CREB3: variants seen among roughly 807,000 people sequenced by gnomAD.
CREB3 encodes cAMP responsive element binding protein 3.
Under a neutral mutation model 34.5 loss-of-function variants are expected in CREB3, and 29 were observed. The observed-to-expected ratio is 0.84, with a 90% CI of 0.63 to 1.15. The LOEUF is 1.15. Among genes scored for constraint, CREB3 ranks in the 50% most tolerant of loss-of-function variants. CREB3 has a pLI of 0.00. For missense variants in CREB3, 447 were observed against 443.4 expected (o/e 1.01, Z -0.07); for synonymous variants, 187 against 173.9 (o/e 1.08, Z -0.59).
Position 35,736,553 on chromosome 9 carries a change from A to G in CREB3, c.943A>G (p.Met315Val), listed in dbSNP as rs1169561679. The change falls in exon 9 of 9, where the codon ATG becomes GTG. Residue 315 changes from methionine to valine, a missense_variant. Physicochemically the swap from Met to Val is conservative, Grantham distance 21 (BLOSUM62 1). Transcript: ENST00000353704. Reference sequence around the variant, plus strand: ...CAACACTTCCTGCCTGCTGCATTACATGCCTCAGGCTCCCAGTGCAGAGCC... The same window carrying G: ...CAACACTTCCTGCCTGCTGCATTACGTGCCTCAGGCTCCCAGTGCAGAGCC... Reference protein sequence around the residue: ...PGNTSCLLHYMPQAPSAEPPL... With the variant: ...PGNTSCLLHYVPQAPSAEPPL... The G allele has an allele frequency of 6.2e-7, 1 of 1,614,080 alleles. No homozygotes were observed. The highest frequency in any genetic ancestry group is 8.5e-7 in the Non-Finnish European group (1 of 1,179,992).
rs376045014 is a variant in CREB3 at position 35,733,000 on chromosome 9, C to T, written c.134C>T (p.Pro45Leu). 5.8e-5 allele frequency: 94 copies of T among 1,614,030 alleles called. 1 individual carries two copies. Among genetic ancestry groups the T allele is most frequent in the East Asian group, 3.8e-4 (17 of 44,900 alleles). The part of the protein sequence containing the change: ...LDWALPLSEV[P>L]SDWEVDDLLC... ...GTTCATTGGAACCCTGCGCAGGTAC[C>T]GAGCGACTGGGAAGTAGATGATTTG... The change falls in exon 2 of 9, where the codon CCG (proline) becomes CTG (leucine). Residue 45 changes from proline to leucine, a missense_variant. Coordinates refer to ENST00000353704, the MANE Select transcript of CREB3 (RefSeq NM_006368.5). The surrounding 1 kb of genome is among the most constrained non-coding windows in gnomAD (Gnocchi z 5.1).
rs142405303 is a variant in CREB3, at chr9:35,733,596, TTAG to T, written c.435+115_435+117del. ...TTAAAAAAGGATTGAGGTGAGAAAC[TTAG>T]TAGATTTATTGCTAATAGGAAGTTG... On this transcript the variant is annotated intron_variant, in intron 4 of 8. Coordinates refer to ENST00000353704, the MANE Select transcript of CREB3 (RefSeq NM_006368.5). The T allele has an allele frequency of 2.4e-3, 1,755 of 731,846 alleles. 24 individuals carry two copies. The African/African-American group carries it at 0.026, about 11-fold the overall frequency. The allele number at this position is 731,846 out of a possible 1,614,324, so 45.3% of individuals were successfully genotyped here.
rs767815050 is a variant in CREB3, at chr9:35,736,681, T to A, written c.1071T>A (p.Pro357=). The A allele has an allele frequency of 1.9e-6, 3 of 1,612,234 alleles. No individual in the cohort carries two copies. Among genetic ancestry groups the A allele is most frequent in the Non-Finnish European group, 2.5e-6 (3 of 1,179,962 alleles). The stretch of plus-strand genomic sequence containing the variant: ...TCACAAGGAAGGGAGGATGGCTTCC[T>A]ACTGGTAGCCCCTCTGTCATTTTGC... The part of the protein sequence containing the change: ...ANLTRKGGWL[P]TGSPSVILQD... The change falls in exon 9 of 9, where the codon CCT becomes CCA. Residue 357 remains proline, a synonymous_variant. Transcript: ENST00000353704.
intron 4 of CREB3, among the ~76,000 whole-genome samples, chr9:35,734,449 C>CT (rs113624223): frequency 4.7e-4 from 69 of 146,476 alleles, no homozygotes; most frequent in Middle Eastern, 3.5e-3. Context: ...AAAATTTTGT[C>CT]TTTTTTTTTT....
rs770554790 is a variant in CREB3, at chr9:35,736,379, T to C, written c.782-13T>C. 4.3e-6 allele frequency: 7 copies of C among 1,613,150 alleles called. No individual in the cohort carries two copies. The highest frequency in any genetic ancestry group is 5.9e-6 in the Non-Finnish European group (7 of 1,179,404). On this transcript the variant is annotated splice_polypyrimidine_tract_variant and intron_variant, in intron 8 of 8. Transcript: ENST00000353704. ...GGTCTGGGTTGGCCTCTGAAGATTC[T>C]TTGTCTCCTCAGTGTTGTCCCGCCA...
chr9:35,733,683 C>T (rs550804843), intron 4 of CREB3, among the ~76,000 whole-genome samples, 198 bp downstream of exon 4: 17 of 151,320 alleles, frequency 1.1e-4, no homozygotes, highest in South Asian at 2.1e-4. Flanking sequence ...TGGGCTTATA[C>T]AAATTTTGGT....
chr9:35,735,140 G>A lies in CREB3; in HGVS notation c.467G>A (p.Arg156Lys). The A allele has an allele frequency of 6.2e-7, 1 of 1,603,590 alleles. No individual in the cohort carries two copies. ...GAACAAATTCTGAAACGTGTGCGGA[G>A]GAAGATTCGAAATAAAAGATCTGCT... The part of the protein sequence containing the change: ...TEEQILKRVR[R>K]KIRNKRSAQE... The change falls in exon 5 of 9, where the codon AGG (arginine) becomes AAG (lysine). Residue 156 changes from arginine to lysine, a missense_variant. Physicochemically the swap from Arg to Lys is conservative, Grantham distance 26. Transcript: ENST00000353704.
In CREB3 at chr9:35,736,729, A is replaced by G. The variant is rs768474991; in HGVS notation, c.*3A>G. 1.3e-6 allele frequency: 2 copies of G among 1,598,622 alleles called. No individual in the cohort carries two copies. The highest frequency in any genetic ancestry group is 1.7e-6 in the Non-Finnish European group (2 of 1,175,192). On this transcript the variant is annotated 3_prime_UTR_variant, in exon 9 of 9. Coordinates refer to ENST00000353704, the MANE Select transcript of CREB3 (RefSeq NM_006368.5). ...TGCAGGACAGATACTCAGGCTAGATATGAGGATATGTGGGGGGTCTCAGCA... is the reference window on the plus strand; with the variant it reads ...TGCAGGACAGATACTCAGGCTAGATGTGAGGATATGTGGGGGGTCTCAGCA...
At chr9:35,733,326 G>A (rs770911262) in intron 3 of CREB3, 44 bp downstream of exon 3, 6 of 1,611,912 alleles carry the variant, frequency 3.7e-6, no homozygotes, top group South Asian at 1.1e-5. Flanking sequence ...CATTCCCCAG[G>A]TGGGGGCAGG....
chr9:35,735,431 T>C, intron 6 of CREB3, 57 bp downstream of exon 6: 2 of 1,472,718 alleles, frequency 1.4e-6, no homozygotes, highest in Non-Finnish European at 1.9e-6. Context: ...GCTTTCTCAC[T>C]CTTTCCCCTG....
Position 35,733,419 on chromosome 9 carries a change from A to T in CREB3, c.369A>T (p.Thr123=), listed in dbSNP as rs760497418. 6.2e-7 allele frequency: 1 copy of T among 1,613,902 alleles called. No homozygotes were observed. Among genetic ancestry groups the T allele is most frequent in the Admixed American group, 1.7e-5 (1 of 60,030 alleles). ...AEQEIARLVL[T]DEEKSLLEKE... is the part of the protein sequence containing the mutation. Reference sequence around the variant, plus strand: ...AGGAGATTGCTAGGCTAGTACTGACAGATGAGGAGAAGAGTCTATTGGAGA... The same window carrying T: ...AGGAGATTGCTAGGCTAGTACTGACTGATGAGGAGAAGAGTCTATTGGAGA... Residue 123 remains threonine (T), a synonymous_variant, in exon 4 of 9, where the codon ACA becomes ACT. Coordinates refer to ENST00000353704, the MANE Select transcript of CREB3 (RefSeq NM_006368.5).
Position 35,736,957 on chromosome 9 carries a change from A to T in CREB3, c.*231A>T. 1.2e-6 allele frequency: 1 copy of T among 807,560 alleles called. No individual in the cohort carries two copies. The highest frequency in any genetic ancestry group is 1.9e-6 in the Non-Finnish European group (1 of 525,442). 50.0% of individuals were successfully genotyped at this position (807,560 alleles called of 1,614,324 possible). A position where few individuals can be genotyped will look rare whatever the true frequency, so the allele number is the denominator to read the frequency against. On this transcript the variant is annotated 3_prime_UTR_variant, in exon 9 of 9. Transcript: ENST00000353704. ...ACTGACCTCCCTGAACATTTCACGC[A>T]GTCAGGGAACAGGTGAGGAAAGAAA...
At position 35,733,279 on chromosome 9, in the gene CREB3, GCAGGTACTTGA is replaced by G; in HGVS notation, c.344_345+9del. On this transcript the variant is annotated splice_donor_variant and splice_donor_5th_base_variant and coding_sequence_variant and intron_variant, in exon 3 of 9. Transcript: ENST00000353704. LOFTEE classifies it high-confidence loss of function. Reference sequence around the variant, plus strand: ...CACAGCATATGGAGGAGCTGGCAGAGCAGGTACTTGACTTGATTTTCAGGAGATTACTCTCA... The same window carrying G: ...CACAGCATATGGAGGAGCTGGCAGAGCTTGATTTTCAGGAGATTACTCTCA... The G allele has an allele frequency of 6.2e-7, 1 of 1,614,206 alleles. No individual in the cohort carries two copies. The highest frequency in any genetic ancestry group is 1.3e-5 in the African/African-American group (1 of 75,026).
At position 35,732,886 on chromosome 9, in the gene CREB3, G is replaced by A. The variant is rs1344897453; in HGVS notation, c.114G>A (p.Ala38=). ...CCGTGAGGGCCCCACTGGACTGGGCGCTGCCGCTTTCTGAGGTAGGTTGGG... is the reference window on the plus strand; with the variant it reads ...CCGTGAGGGCCCCACTGGACTGGGCACTGCCGCTTTCTGAGGTAGGTTGGG... ...DEAVRAPLDW[A]LPLSEVPSDW... Residue 38 remains alanine (A), a synonymous_variant, in exon 1 of 9, where the codon GCG becomes GCA. Coordinates refer to ENST00000353704, the MANE Select transcript of CREB3 (RefSeq NM_006368.5). The surrounding 1 kb of genome is among the most constrained non-coding windows in gnomAD (Gnocchi z 5.1). 1 of 1,613,686 alleles carries A rather than the reference G, an allele frequency of 6.2e-7. No homozygotes were observed. Among genetic ancestry groups the A allele is most frequent in the African/African-American group, 1.3e-5 (1 of 74,918 alleles).
chr9:35,735,382 T>A lies in CREB3; in HGVS notation c.611+8T>A. 6.2e-7 allele frequency: 1 copy of A among 1,611,690 alleles called. No homozygotes were observed. Among genetic ancestry groups the A allele is most frequent in the Non-Finnish European group, 8.5e-7 (1 of 1,177,814 alleles). ...TCTGGAGGAACAGAATTTGTAAGTA[T>A]CCCTCCAAACCATTCCCTTCCTATG... On this transcript the variant is annotated splice_region_variant and intron_variant, in intron 6 of 8. Coordinates refer to ENST00000353704, the MANE Select transcript of CREB3 (RefSeq NM_006368.5).
rs1826209859 is a variant in CREB3 at position 35,736,406 on chromosome 9, C to T, written c.796C>T (p.Leu266Phe). 1.2e-6 allele frequency: 2 copies of T among 1,613,996 alleles called. No homozygotes were observed. The highest frequency in any genetic ancestry group is 1.7e-6 in the Non-Finnish European group (2 of 1,179,998). ...PAEHGVLSRQ[L>F]RALPSEDPYQ... ...TGTCTCCTCAGTGTTGTCCCGCCAGCTTCGTGCCCTCCCCAGTGAGGACCC... is the reference window on the plus strand; with the variant it reads ...TGTCTCCTCAGTGTTGTCCCGCCAGTTTCGTGCCCTCCCCAGTGAGGACCC... The change falls in exon 9 of 9, where the codon CTT becomes TTT. Residue 266 changes from leucine to phenylalanine, a missense_variant. Coordinates refer to ENST00000353704, the MANE Select transcript of CREB3 (RefSeq NM_006368.5).
chr9:35,735,775 A>G (rs1826189607), intron 6 of CREB3, among the ~76,000 whole-genome samples: 1 of 152,258 alleles, frequency 6.6e-6, no homozygotes, highest in African/African-American at 2.4e-5. Context: ...CTGATCAGAC[A>G]GTGGGGAACG....
At position 35,736,058 on chromosome 9, in the gene CREB3, G is replaced by C. The variant is rs763692398; in HGVS notation, c.622G>C (p.Asp208His). The change falls in exon 7 of 9, where the codon GAT becomes CAT. Residue 208 changes from aspartate to histidine, a missense_variant. Physicochemically the swap from Asp to His is moderately conservative, Grantham distance 81. Transcript: ENST00000353704. ...CCTCTCTTCCTCTAGGTCCCTTCTA[G>C]ATCAACTGAGGAAACTCCAGGCCAT... is the stretch of plus-strand genomic sequence containing the variant. Reference protein sequence around the residue: ...LLEEQNLSLLDQLRKLQAMVI... With the variant: ...LLEEQNLSLLHQLRKLQAMVI... 2.5e-6 allele frequency: 4 copies of C among 1,613,782 alleles called. No homozygotes were observed. Among genetic ancestry groups the C allele is most frequent in the Non-Finnish European group, 1.7e-6 (2 of 1,179,754 alleles).
At chr9:35,733,880 C>T (rs1386074308) in intron 4 of CREB3, among the ~76,000 whole-genome samples, 2 of 151,996 alleles carry the variant, frequency 1.3e-5, no homozygotes, top group South Asian at 2.1e-4. Flanking sequence ...ATGTAAAATC[C>T]TTAGTTTTCA....
Sources: gnomAD v4.1 joint callset for allele counts (sites outside exome capture counted in the v4.1 genomes callset) on GRCh38, gnomAD v4.1.1 for gene constraint, Gnocchi (gnomAD v3.1) non-coding constraint, MANE v1.5 for transcripts, NCBI Gene and HGNC (gene_info 2026-07-23, HGNC 2026-07-21) for gene names.